Variants in ZNF488 observed in about 807,000 individuals in gnomAD.
The protein encoded by ZNF488 is zinc finger protein 488.
In ZNF488, 1 loss-of-function variant was observed where a neutral mutation model predicts 1.2. The ratio of observed to expected loss-of-function variants is 0.86; its 90% CI spans 0.30 to 4.07. ZNF488 has a LOEUF of 4.07. Ranked by LOEUF, ZNF488 falls within the 30% of genes most tolerant of loss-of-function variation. The pLI is 0.18. For synonymous variants in ZNF488, 185 were observed against 190.1 expected (o/e 0.97, Z 0.22); for missense variants, 450 against 437.9 (o/e 1.03, Z -0.25).
Position 47,366,655 on chromosome 10 carries a change from A to G in ZNF488, c.*1152T>C, listed in dbSNP as rs1450353806. 1 of 167,128 alleles carries G rather than the reference A, an allele frequency of 6.0e-6. No individual in the cohort carries two copies. Among genetic ancestry groups the G allele is most frequent in the East Asian group, 1.9e-4 (1 of 5,202 alleles). The allele number at this position is 167,128 out of a possible 1,614,324, so 10.4% of individuals were successfully genotyped here. On this transcript the variant is annotated 3_prime_UTR_variant, in exon 2 of 2. Transcript: ENST00000585316. ...TCAAAGAGTACAGCCTGGGCTCCAC[A>G]CATCCTTAGGAACAAGGGCTGATGC...
In ZNF488 at chr10:47,366,857, C is replaced by T. The variant is rs1230158256; in HGVS notation, c.*950G>A. On this transcript the variant is annotated 3_prime_UTR_variant, in exon 2 of 2. Transcript: ENST00000585316. ...CTATTTCCCCGTATTCATATACTCACAATGTGAAGAACTATGGACCAGGTA... is the reference window on the plus strand; with the variant it reads ...CTATTTCCCCGTATTCATATACTCATAATGTGAAGAACTATGGACCAGGTA... The T allele has an allele frequency of 6.0e-6, 1 of 167,050 alleles. No homozygotes were observed. The highest frequency in any genetic ancestry group is 1.5e-5 in the Non-Finnish European group (1 of 68,102). The allele number at this position is 167,050 out of a possible 1,614,324, so 10.3% of individuals were successfully genotyped here.
intron 1 of ZNF488, among the ~76,000 whole-genome samples, chr10:47,370,487 A>G (rs1158749894): frequency 6.6e-6 from 1 of 152,170 alleles, no homozygotes; most frequent in Non-Finnish European, 1.5e-5. Flanking sequence ...GAGTCACCTT[A>G]AGGGTGGAGG....
chr10:47,383,208 A>T (rs1344255189), intron 1 of ZNF488, among the ~76,000 whole-genome samples: 4 of 152,252 alleles, frequency 2.6e-5, no homozygotes, highest in Non-Finnish European at 5.9e-5. Flanking sequence ...ACATAAAATC[A>T]TTACTTTCAA....
chr10:47,374,710 A>G (rs1410353806), intron 1 of ZNF488, among the ~76,000 whole-genome samples: 1 of 152,146 alleles, frequency 6.6e-6, no homozygotes, highest in Non-Finnish European at 1.5e-5. Flanking sequence ...ACCAGCACCA[A>G]TCACAAGGGA....
intron 1 of ZNF488, among the ~76,000 whole-genome samples, chr10:47,375,895 G>A (rs142459260): frequency 5.3e-5 from 8 of 152,296 alleles, no homozygotes; most frequent in Admixed American, 3.3e-4. Flanking sequence ...CAGATACAAA[G>A]AAAAGAGAGG....
intron 1 of ZNF488, among the ~76,000 whole-genome samples, chr10:47,374,395 A>G (rs933028891): frequency 1.3e-5 from 2 of 152,174 alleles, no homozygotes; most frequent in Non-Finnish European, 2.9e-5. Context: ...TTCAAATACA[A>G]ACAGGACTGT....
intron 1 of ZNF488, among the ~76,000 whole-genome samples, chr10:47,370,723 C>T (rs1428842154): frequency 1.3e-5 from 2 of 152,198 alleles, no homozygotes; most frequent in African/African-American, 4.8e-5. Context: ...TGTGCAGCCT[C>T]GGACAGTGAT....
chr10:47,366,531 A>C lies in ZNF488; in HGVS notation c.*1276T>G, dbSNP rs1435172865. ...TGGAGGGCTGGAAACTGCATATCAAAAGAACAATATCTGACAGTGAGGTGG... is the reference window on the plus strand; with the variant it reads ...TGGAGGGCTGGAAACTGCATATCAACAGAACAATATCTGACAGTGAGGTGG... On this transcript the variant is annotated 3_prime_UTR_variant, in exon 2 of 2. Coordinates refer to ENST00000585316, the MANE Select transcript of ZNF488 (RefSeq NM_153034.4). 6.0e-6 allele frequency: 1 copy of C among 167,132 alleles called. No homozygotes were observed. Among genetic ancestry groups the C allele is most frequent in the Non-Finnish European group, 1.5e-5 (1 of 68,172 alleles). 10.4% of individuals were successfully genotyped at this position (167,132 alleles called of 1,614,324 possible).
chr10:47,378,185 G>A (rs913012683), intron 1 of ZNF488, among the ~76,000 whole-genome samples: 4 of 152,184 alleles, frequency 2.6e-5, no homozygotes, highest in Non-Finnish European at 4.4e-5. Context: ...GCAGAGCTTC[G>A]CGAACTGCCT....
chr10:47,368,061 TG>T lies in ZNF488; in HGVS notation c.768del (p.Thr257LeufsTer30). The T allele has an allele frequency of 6.2e-7, 1 of 1,613,830 alleles. No homozygotes were observed. The highest frequency in any genetic ancestry group is 8.5e-7 in the Non-Finnish European group (1 of 1,179,950). ...GTGGGTGGCAGGAGGGCCCACGAAG[TG>T]GTGGAGGATGATGAGGGTGGGGGCA... ...AQVPPPSSSS[T>X]TSWALLPPTL... On this transcript the variant is annotated frameshift_variant, in exon 2 of 2. Coordinates refer to ENST00000585316, the MANE Select transcript of ZNF488 (RefSeq NM_153034.4). LOFTEE classifies it low-confidence loss of function (END_TRUNC).
chr10:47,384,007 G>A (rs542459142), intron 1 of ZNF488, among the ~76,000 whole-genome samples: 1 of 152,312 alleles, frequency 6.6e-6, no homozygotes, highest in Admixed American at 6.5e-5. Context: ...GAGAAAAAGT[G>A]AGAGAAGAGA....
intron 1 of ZNF488, among the ~76,000 whole-genome samples, chr10:47,377,972 G>T (rs1231605650): frequency 1.3e-5 from 2 of 152,172 alleles, no homozygotes; most frequent in East Asian, 3.9e-4. Context: ...GTGCACAGAA[G>T]GACAAAAGTT....
In ZNF488 at chr10:47,366,819, T is replaced by A. The variant is rs1837234165; in HGVS notation, c.*988A>T. ...GGTAAAACAGCATGTGTGTAGGTGG[T>A]GGGGAGGGGGTTCTATTTCCCCGTA... On this transcript the variant is annotated 3_prime_UTR_variant, in exon 2 of 2. Transcript: ENST00000585316. 1 of 167,022 alleles carries A rather than the reference T, an allele frequency of 6.0e-6. No individual in the cohort carries two copies. The highest frequency in any genetic ancestry group is 2.4e-5 in the African/African-American group (1 of 41,414). 10.3% of individuals were successfully genotyped at this position (167,022 alleles called of 1,614,324 possible). A position where few individuals can be genotyped will look rare whatever the true frequency, so the allele number is the denominator to read the frequency against.
chr10:47,378,139 C>T, intron 1 of ZNF488, among the ~76,000 whole-genome samples: 1 of 152,328 alleles, frequency 6.6e-6, no homozygotes, highest in Admixed American at 6.5e-5. Flanking sequence ...CTTGGTTCTC[C>T]CCACACATGG....
At chr10:47,370,902 C>T (rs1425347808) in intron 1 of ZNF488, among the ~76,000 whole-genome samples, 1 of 152,246 alleles carries the variant, frequency 6.6e-6, no homozygotes, top group Non-Finnish European at 1.5e-5. Flanking sequence ...TTGATTCCCT[C>T]TTCCGTTCAT....
intron 1 of ZNF488, among the ~76,000 whole-genome samples, chr10:47,384,017 A>G (rs1838085474): frequency 6.6e-6 from 1 of 152,152 alleles, no homozygotes; most frequent in Admixed American, 6.5e-5. Context: ...GAGAGAAGAG[A>G]AAGGGAACAG....
Position 47,368,743 on chromosome 10 carries a change from C to A in ZNF488, c.87G>T (p.Ser29=). The change falls in exon 2 of 2, where the codon TCG becomes TCT. Residue 29 remains serine, a synonymous_variant. Coordinates refer to ENST00000585316, the MANE Select transcript of ZNF488 (RefSeq NM_153034.4). Reference sequence around the variant, plus strand: ...CGCTAAGTCGCCATCTGTTTTCAGCCGATGGGCTCAACGGGGCTCCCTTCC... The same window carrying A: ...CGCTAAGTCGCCATCTGTTTTCAGCAGATGGGCTCAACGGGGCTCCCTTCC... ...AAGKGAPLSP[S]AENRWRLSEP... is the part of the protein sequence containing the mutation. 1.2e-6 allele frequency: 2 copies of A among 1,613,290 alleles called. No individual in the cohort carries two copies. Among genetic ancestry groups the A allele is most frequent in the Non-Finnish European group, 1.7e-6 (2 of 1,180,020 alleles).
intron 1 of ZNF488, among the ~76,000 whole-genome samples, chr10:47,369,745 GCA>G (rs1323493014): frequency 6.6e-6 from 1 of 152,056 alleles, no homozygotes. Flanking sequence ...TGCACCTCAG[GCA>G]CAGTCTCCCC....
At chr10:47,375,044 G>A (rs1555214260) in intron 1 of ZNF488, among the ~76,000 whole-genome samples, 1 of 152,208 alleles carries the variant, frequency 6.6e-6, no homozygotes, top group Non-Finnish European at 1.5e-5. Context: ...ACCCCCTGAC[G>A]AAACTGAGTG....
Sources: allele counts gnomAD v4.1 joint callset (sites outside exome capture counted in the v4.1 genomes callset), GRCh38; gene constraint gnomAD v4.1.1; transcripts MANE v1.5; gene names NCBI Gene and HGNC (gene_info 2026-07-23, HGNC 2026-07-21).